Variants in PAX9 observed in about 807,000 individuals in gnomAD.
The protein encoded by PAX9 is paired box protein Pax-9.
A neutral mutation model predicts 29.1 loss-of-function variants in PAX9; 6 were observed. The ratio of observed to expected loss-of-function variants is 0.21; its 90% CI spans 0.11 to 0.41. The LOEUF (loss-of-function observed/expected upper bound fraction) is 0.41. Ranked by LOEUF, PAX9 falls within the 10% of genes least tolerant of loss-of-function variation. The probability of loss-of-function intolerance (pLI) is 1.00; values close to 1 mark genes in which losing one functional copy is unlikely to be tolerated. For missense variants in PAX9, 443 were observed against 479.1 expected, an observed-to-expected ratio of 0.92 and a Z score of 0.70; for synonymous variants, 217 against 211.7, an observed-to-expected ratio of 1.03 and a Z score of -0.22.
Position 36,676,573 on chromosome 14 carries a change from C to T in PAX9, c.*121C>T, listed in dbSNP as rs571697845. 8.9e-7 allele frequency: 1 copy of T among 1,122,154 alleles called. No homozygotes were observed. Among genetic ancestry groups the T allele is most frequent in the African/African-American group, 1.5e-5 (1 of 65,416 alleles). 69.5% of individuals were successfully genotyped at this position (1,122,154 alleles called of 1,614,324 possible). ...CCAACCCTTCTGCCTTGAAAGCTGG[C>T]TGTACGGACTCACATCCTTTGTGCT... On this transcript the variant is annotated 3_prime_UTR_variant, in exon 4 of 4. Coordinates refer to ENST00000361487, the MANE Select transcript of PAX9 (RefSeq NM_001372076.1).
At chr14:36,669,703 C>G (rs1049762566) in intron 3 of PAX9, among the ~76,000 whole-genome samples, 1 of 152,064 alleles carries the variant, frequency 6.6e-6, no homozygotes. Flanking sequence ...TGTCCTGATT[C>G]CTAGTAATTA....
At chr14:36,668,655 G>A (rs747161784) in intron 3 of PAX9, among the ~76,000 whole-genome samples, 7 of 152,108 alleles carry the variant, frequency 4.6e-5, no homozygotes, top group Non-Finnish European at 7.4e-5. Flanking sequence ...CCAAAGTGCT[G>A]GGATTACAGG....
chr14:36,676,140 T>A (rs1881878174), intron 3 of PAX9, 58 bp from the exon 4 acceptor site: 1 of 1,571,040 alleles, frequency 6.4e-7, no homozygotes, highest in Non-Finnish European at 8.8e-7. Context: ...TCTAAGAACG[T>A]GTGAAATGTT....
At chr14:36,672,852 CTTTTTTTTTTTTTT>C (rs3061562) in intron 3 of PAX9, among the ~76,000 whole-genome samples, 6 of 19,146 alleles carry the variant, frequency 3.1e-4, no homozygotes, top group South Asian at 4.0e-3. Flanking sequence ...TTCTTTCTTC[CTTTTTTTTTTTTTT>C]TTTTTTTTTT....
intron 3 of PAX9, among the ~76,000 whole-genome samples, chr14:36,674,439 T>A (rs1384209279): frequency 6.6e-6 from 1 of 152,254 alleles, no homozygotes; most frequent in Non-Finnish European, 1.5e-5. Flanking sequence ...GGTACATGGC[T>A]AAACCTCTTA....
At chr14:36,666,625 G>A in intron 3 of PAX9, 24 bp downstream of exon 3, 1 of 1,556,138 alleles carries the variant, frequency 6.4e-7, no homozygotes, top group Non-Finnish European at 8.7e-7. Flanking sequence ...GGTCAGGCCA[G>A]GTGGGCCGCG....
intron 2 of PAX9, among the ~76,000 whole-genome samples, chr14:36,664,517 C>T (rs1329311432): frequency 6.6e-6 from 1 of 151,944 alleles, no homozygotes; most frequent in Non-Finnish European, 1.5e-5. Context: ...CCCGAGCCCT[C>T]CTGCCCAGTC....
upstream of PAX9, chr14:36,658,721 C>A (rs938923793): frequency 1.3e-5 from 2 of 152,262 alleles, no homozygotes; most frequent in African/African-American, 4.8e-5. Flanking sequence ...GCTCTAGCGC[C>A]GGGAAGGGGG....
At chr14:36,669,746 C>T (rs907671410) in intron 3 of PAX9, among the ~76,000 whole-genome samples, 1 of 152,010 alleles carries the variant, frequency 6.6e-6, no homozygotes, top group Non-Finnish European at 1.5e-5. Flanking sequence ...ATGCATATAC[C>T]TATCTTTTGT....
In PAX9 at chr14:36,666,547, C is replaced by G. The variant is rs12881240; in HGVS notation, c.717C>G (p.His239Gln). The G allele has an allele frequency of 5.7e-6, 9 of 1,587,576 alleles. No homozygotes were observed. In the African/African-American group the frequency reaches 1.1e-4, roughly 19 times the overall value. The change falls in exon 3 of 4, where the codon CAC becomes CAG. Residue 239 changes from histidine to glutamine, a missense_variant. By Grantham distance (24) the His-to-Gln change is conservative (BLOSUM62 0). This residue lies in a region of PAX9 where 336 missense variants were observed against 317.2 expected (regional missense o/e 1.06). Transcript: ENST00000361487. ...GRNNFPAAAP[H>Q]AVNGLEKGAL... ...ACAACTTCCCCGCCGCCGCCCCGCA[C>G]GCGGTGAACGGGTTGGAGAAGGGAG...
At chr14:36,666,950 G>A (rs375493424) in intron 3 of PAX9, among the ~76,000 whole-genome samples, 4 of 152,142 alleles carry the variant, frequency 2.6e-5, no homozygotes, top group African/African-American at 9.6e-5. Context: ...GCTCTCGTTG[G>A]GGGTAGAGTT....
rs1209240124 is a variant in PAX9 at position 36,678,474 on chromosome 14, G to T, written c.*2022G>T. 22 of 1,535,458 alleles carry T rather than the reference G, an allele frequency of 1.4e-5. No homozygotes were observed. Among genetic ancestry groups the T allele is most frequent in the Non-Finnish European group, 1.8e-5 (21 of 1,145,476 alleles). The stretch of plus-strand genomic sequence containing the variant: ...CTTGTAAAACTTCCATTGACATCTG[G>T]AGTTCCCAGTCTGGTGAGAAAATAG... On this transcript the variant is annotated 3_prime_UTR_variant, in exon 4 of 4. Coordinates refer to ENST00000361487, the MANE Select transcript of PAX9 (RefSeq NM_001372076.1).
At chr14:36,669,368 A>G (rs1881625780) in intron 3 of PAX9, among the ~76,000 whole-genome samples, 1 of 152,168 alleles carries the variant, frequency 6.6e-6, no homozygotes, top group Non-Finnish European at 1.5e-5. Flanking sequence ...TTCAACCAAA[A>G]TGTAAACTCT....
rs565195087 is a variant in PAX9, at chr14:36,675,263, C to T, written c.772-935C>T. Among the ~76,000 whole-genome samples the T allele has an allele frequency of 5.3e-5, 8 of 152,202 alleles. No individual in the cohort carries two copies. In the South Asian group the frequency reaches 1.5e-3, roughly 28 times the overall value. On this transcript the variant is annotated intron_variant, in intron 3 of 3. Coordinates refer to ENST00000361487, the MANE Select transcript of PAX9 (RefSeq NM_001372076.1). ...GAAGAAGGATGCCCAGTGTTCATGCCAGAATCAGGATTAAAAATCAGGGTG... is the reference window on the plus strand; with the variant it reads ...GAAGAAGGATGCCCAGTGTTCATGCTAGAATCAGGATTAAAAATCAGGGTG...
chr14:36,676,288 A>G lies in PAX9; in HGVS notation c.862A>G (p.Thr288Ala). ...PTPAQVSPYM[T>A]YSAAPSGYVA... ...CCCAGCCCAAGTGTCGCCTTACATG[A>G]CCTACAGTGCTGCTCCTTCTGGTTA... The change falls in exon 4 of 4, where the codon ACC becomes GCC. Residue 288 changes from threonine (T) to alanine (A), a missense_variant. Physicochemically the swap from Thr to Ala is moderately conservative, Grantham distance 58. Coordinates refer to ENST00000361487, the MANE Select transcript of PAX9 (RefSeq NM_001372076.1). 3 of 1,614,126 alleles carry G rather than the reference A, an allele frequency of 1.9e-6. No individual in the cohort carries two copies. The highest frequency in any genetic ancestry group is 2.5e-6 in the Non-Finnish European group (3 of 1,180,026).
At chr14:36,661,306 G>C (rs992571674), upstream of PAX9, among the ~76,000 whole-genome samples, 1 of 152,224 alleles carries the variant, frequency 6.6e-6, no homozygotes, top group East Asian at 1.9e-4. Flanking sequence ...CCTGTGGCTC[G>C]GGCTCCCCGC....
intron 3 of PAX9, chr14:36,672,020 C>T (rs1467089828): frequency 6.6e-6 from 1 of 152,160 alleles, no homozygotes; most frequent in Non-Finnish European, 1.5e-5. Flanking sequence ...TTGCACAGTT[C>T]TTTCAGGGGA....
Position 36,676,224 on chromosome 14 carries a change from C to T in PAX9, c.798C>T (p.Gly266=). 1 of 1,614,106 alleles carries T rather than the reference C, an allele frequency of 6.2e-7. No individual in the cohort carries two copies. Among genetic ancestry groups the T allele is most frequent in the Non-Finnish European group, 8.5e-7 (1 of 1,179,990 alleles). Residue 266 remains glycine, a synonymous_variant, in exon 4 of 4, where the codon GGC becomes GGT. Coordinates refer to ENST00000361487, the MANE Select transcript of PAX9 (RefSeq NM_001372076.1). The stretch of plus-strand genomic sequence containing the variant: ...CACCAAATGGTCTCCCAGCTGTGGG[C>T]AGTTTTGTGTCAGCATCCAGCATGG... The part of the protein sequence containing the change: ...GQAPNGLPAV[G]SFVSASSMAP...
At chr14:36,673,530 C>CAGGGGGAACATCTCTGGGCAAAAAG (rs6145299) in intron 3 of PAX9, among the ~76,000 whole-genome samples, 138,736 of 152,056 alleles carry the variant, frequency 0.91, 63,515 homozygotes, top group Middle Eastern at 0.94. Flanking sequence ...GGCCATCTTC[C>CAGGGGGAACATCTCTGGGCAAAAAG]AAGTGGGTCC....
Sources: gnomAD v4.1 joint callset for allele counts (sites outside exome capture counted in the v4.1 genomes callset) on GRCh38, gnomAD v4.1.1 for gene constraint, gnomAD v4.1.1 regional missense constraint, MANE v1.5 for transcripts, NCBI Gene and HGNC (gene_info 2026-07-23, HGNC 2026-07-21) for gene names.